HIVEP2: variants seen among roughly 807,000 people sequenced by gnomAD.
HIVEP2 encodes transcription factor HIVEP2.
In HIVEP2, 14 loss-of-function variants were observed where a neutral mutation model predicts 180.7. The observed-to-expected ratio is 0.08, with a 90% confidence interval of 0.05 to 0.12. The LOEUF (loss-of-function observed/expected upper bound fraction) is 0.12, where lower values mean the gene tolerates loss of function less well. HIVEP2 is among the 10% of genes least tolerant of loss of function. The probability of loss-of-function intolerance (pLI) is 1.00; values close to 1 mark genes in which losing one functional copy is unlikely to be tolerated. For missense variants in HIVEP2, 2,579 were observed against 3,008.5 expected (o/e 0.86, Z 3.34); for synonymous variants, 1,184 against 1,136.4 (o/e 1.04, Z -0.84).
intron 1 of HIVEP2, among the ~76,000 whole-genome samples, chr6:142,847,750 C>A (rs1022642904): frequency 6.6e-6 from 1 of 151,964 alleles, no homozygotes; most frequent in African/African-American, 2.4e-5. Flanking sequence ...GTTTGTTGTT[C>A]TTCATAAAAG....
chr6:142,919,959 C>T (rs2128433805), intron 1 of HIVEP2, among the ~76,000 whole-genome samples: 1 of 152,332 alleles, frequency 6.6e-6, no homozygotes, highest in African/African-American at 2.4e-5. Flanking sequence ...AGTTGAAAAA[C>T]ACTTTGTTCT....
chr6:142,765,544 A>AACTGTTGTCT (rs2114630135), intron 6 of HIVEP2, among the ~76,000 whole-genome samples: 1 of 152,336 alleles, frequency 6.6e-6, no homozygotes, highest in South Asian at 2.1e-4. Flanking sequence ...TCAGCTCACC[A>AACTGTTGTCT]ACTGTTGTCT....
chr6:142,904,658 T>G (rs1486759816), intron 1 of HIVEP2, among the ~76,000 whole-genome samples: 1 of 151,980 alleles, frequency 6.6e-6, no homozygotes, highest in Non-Finnish European at 1.5e-5. Flanking sequence ...GATGACATGA[T>G]CAAAAAAAGA....
At chr6:142,762,578 T>C (rs1346165081) in intron 7 of HIVEP2, among the ~76,000 whole-genome samples, 1 of 151,920 alleles carries the variant, frequency 6.6e-6, no homozygotes, top group Non-Finnish European at 1.5e-5. Flanking sequence ...ATCACTTCAG[T>C]GAAAATAGCC....
chr6:142,932,166 C>A (rs1284787014), intron 1 of HIVEP2, among the ~76,000 whole-genome samples: 1 of 152,064 alleles, frequency 6.6e-6, no homozygotes, highest in Non-Finnish European at 1.5e-5. Flanking sequence ...ATTATAAAGT[C>A]CTGATGATGA....
At chr6:142,797,478 C>G (rs547707728) in intron 2 of HIVEP2, among the ~76,000 whole-genome samples, 1 of 152,106 alleles carries the variant, frequency 6.6e-6, no homozygotes, top group Admixed American at 6.6e-5. Flanking sequence ...GAGACAATAT[C>G]ACCCAAAACT....
At chr6:142,927,052 T>C (rs1328685665) in intron 1 of HIVEP2, among the ~76,000 whole-genome samples, 1 of 150,496 alleles carries the variant, frequency 6.6e-6, no homozygotes, top group Non-Finnish European at 1.5e-5. Flanking sequence ...CCTCTCCCGC[T>C]GGCGCTCCCG....
At chr6:142,839,586 G>A (rs918134852) in intron 1 of HIVEP2, among the ~76,000 whole-genome samples, 3 of 152,052 alleles carry the variant, frequency 2.0e-5, no homozygotes, top group Admixed American at 6.5e-5. Context: ...ACACAATGCT[G>A]GGCTTGAGTG....
chr6:142,807,203 T>C (rs773060209), intron 2 of HIVEP2, among the ~76,000 whole-genome samples: 1 of 152,184 alleles, frequency 6.6e-6, no homozygotes, highest in Non-Finnish European at 1.5e-5. Context: ...CAGTACTTCA[T>C]AGTTCTGAGT....
At chr6:142,920,761 C>T (rs1177098025) in intron 1 of HIVEP2, among the ~76,000 whole-genome samples, 1 of 152,080 alleles carries the variant, frequency 6.6e-6, no homozygotes, top group East Asian at 1.9e-4. Flanking sequence ...GCAGGAGGAT[C>T]ACTTGAGCCC....
intron 2 of HIVEP2, among the ~76,000 whole-genome samples, chr6:142,791,903 T>C (rs763459442): frequency 6.6e-6 from 1 of 152,146 alleles, no homozygotes; most frequent in Non-Finnish European, 1.5e-5. Flanking sequence ...AATAGAGGCA[T>C]GAAATGGTGT....
chr6:142,873,077 C>CTTT, intron 1 of HIVEP2, among the ~76,000 whole-genome samples: 1 of 152,206 alleles, frequency 6.6e-6, no homozygotes, highest in Non-Finnish European at 1.5e-5. Flanking sequence ...AAGCATTACA[C>CTTT]AGCAACCCTT....
chr6:142,797,863 A>G (rs543517434), intron 2 of HIVEP2, among the ~76,000 whole-genome samples: 4 of 151,900 alleles, frequency 2.6e-5, no homozygotes, highest in East Asian at 3.9e-4. Context: ...CAGGCATTCA[A>G]TTGGGGGTCT....
At chr6:142,792,486 C>T (rs929426890) in intron 2 of HIVEP2, among the ~76,000 whole-genome samples, 1 of 152,110 alleles carries the variant, frequency 6.6e-6, no homozygotes, top group African/African-American at 2.4e-5. Context: ...GGCATGTTCT[C>T]ACTCATAAGT....
At chr6:142,863,299 C>T (rs1182932822) in intron 1 of HIVEP2, among the ~76,000 whole-genome samples, 1 of 151,522 alleles carries the variant, frequency 6.6e-6, no homozygotes, top group South Asian at 2.1e-4. Context: ...GTTTGTGTTA[C>T]TTTAATGTAA....
intron 1 of HIVEP2, among the ~76,000 whole-genome samples, chr6:142,923,992 C>A (rs1047962085): frequency 1.3e-5 from 2 of 152,190 alleles, no homozygotes; most frequent in Non-Finnish European, 2.9e-5. Flanking sequence ...TTCAAGTGGG[C>A]CTCTCTTCAG....
chr6:142,881,069 C>T (rs1776564893), intron 1 of HIVEP2, among the ~76,000 whole-genome samples: 1 of 152,046 alleles, frequency 6.6e-6, no homozygotes, highest in South Asian at 2.1e-4. Context: ...ATGCATAGAT[C>T]CTCTTTCATG....
At chr6:142,776,885 ATAAAT>A (rs1333165953) in intron 3 of HIVEP2, among the ~76,000 whole-genome samples, 11 of 152,188 alleles carry the variant, frequency 7.2e-5, no homozygotes, top group Non-Finnish European at 1.6e-4. Context: ...GTTTAAAAGA[ATAAAT>A]TTCCCTTTTA....
At chr6:142,873,645 G>A (rs956619354) in intron 1 of HIVEP2, among the ~76,000 whole-genome samples, 4 of 152,074 alleles carry the variant, frequency 2.6e-5, no homozygotes, top group East Asian at 1.9e-4. Flanking sequence ...CACCATTTGC[G>A]TATACTGAAT....
Sources: gnomAD v4.1 joint callset for allele counts (sites outside exome capture counted in the v4.1 genomes callset) on GRCh38, gnomAD v4.1.1 for gene constraint, MANE v1.5 for transcripts, NCBI Gene and HGNC (gene_info 2026-07-23, HGNC 2026-07-21) for gene names.